CDH13: variants seen among roughly 807,000 people sequenced by gnomAD.
The protein encoded by CDH13 is cadherin 13.
CDH13 carries 24 observed loss-of-function variants against 63.8 expected under a neutral mutation model. That is an observed-to-expected ratio of 0.38 (90% confidence interval 0.27 to 0.53). The LOEUF (loss-of-function observed/expected upper bound fraction) is 0.53. CDH13 is among the 20% of genes least tolerant of loss of function. The pLI, the probability that CDH13 is intolerant of heterozygous loss-of-function variation, is 0.85. For synonymous variants in CDH13, 503 were observed against 355.3 expected, an observed-to-expected ratio of 1.42 and a Z score of -4.67; for missense variants, 1,049 against 903.1, an observed-to-expected ratio of 1.16 and a Z score of -2.07.
chr16:83,733,672 A>T (rs1911260541), intron 10 of CDH13, among the ~76,000 whole-genome samples: 1 of 152,196 alleles, frequency 6.6e-6, no homozygotes. Flanking sequence ...GCCAGAGCAA[A>T]GGCCATGGTG....
intron 5 of CDH13, among the ~76,000 whole-genome samples, chr16:83,249,768 C>T (rs1905308127): frequency 6.6e-6 from 1 of 152,128 alleles, no homozygotes; most frequent in Non-Finnish European, 1.5e-5. Flanking sequence ...AGACTTTGCA[C>T]GTTTTTCTTT....
At chr16:82,658,236 C>G (rs1911526873) in intron 1 of CDH13, among the ~76,000 whole-genome samples, 2 of 152,324 alleles carry the variant, frequency 1.3e-5, no homozygotes, top group East Asian at 3.9e-4. Context: ...AAGTTGTGAG[C>G]AGGGAGGCCA....
intron 3 of CDH13, among the ~76,000 whole-genome samples, chr16:83,123,160 A>G (rs1159796890): frequency 6.6e-6 from 1 of 151,658 alleles, no homozygotes; most frequent in Non-Finnish European, 1.5e-5. Flanking sequence ...GTGTATGAGT[A>G]TGTGTGTGTG....
chr16:82,876,549 C>T (rs1032164814), intron 2 of CDH13, among the ~76,000 whole-genome samples: 3 of 152,124 alleles, frequency 2.0e-5, no homozygotes, highest in African/African-American at 4.8e-5. Flanking sequence ...ACAGGTATAA[C>T]ATTACTATGT....
At chr16:83,488,027 G>C (rs935329300) in intron 7 of CDH13, among the ~76,000 whole-genome samples, 4 of 152,192 alleles carry the variant, frequency 2.6e-5, no homozygotes, top group Non-Finnish European at 5.9e-5. Context: ...CTCTGAAGAA[G>C]ATTCTCTTTC....
intron 9 of CDH13, among the ~76,000 whole-genome samples, chr16:83,673,732 G>T (rs1400031176): frequency 6.6e-6 from 1 of 152,204 alleles, no homozygotes; most frequent in African/African-American, 2.4e-5. Flanking sequence ...AGATTTCTGG[G>T]CTTGCCCCAG....
chr16:83,622,146 C>T (rs1321241561), intron 8 of CDH13, among the ~76,000 whole-genome samples: 3 of 152,206 alleles, frequency 2.0e-5, no homozygotes, highest in East Asian at 1.9e-4. Flanking sequence ...AACTGTAGCT[C>T]ATTTAATTCT....
chr16:82,958,718 G>A (rs1263400797), intron 2 of CDH13, among the ~76,000 whole-genome samples: 1 of 152,198 alleles, frequency 6.6e-6, no homozygotes, highest in Admixed American at 6.5e-5. Context: ...GGCACCAGCC[G>A]CAGGTCACAG....
chr16:82,690,189 T>C (rs1915507793), intron 1 of CDH13, among the ~76,000 whole-genome samples: 2 of 145,912 alleles, frequency 1.4e-5, no homozygotes, highest in South Asian at 4.4e-4. Flanking sequence ...AAAAAAAATC[T>C]TCTCATGACC....
At chr16:83,344,836 C>A (rs2151364102) in intron 5 of CDH13, 26 bp from the exon 6 acceptor site, 1 of 1,610,752 alleles carries the variant, frequency 6.2e-7, no homozygotes, top group East Asian at 2.2e-5. Context: ...TATCTTCTTT[C>A]TCCCCCAATC....
chr16:83,524,654 A>G (rs895183832), intron 7 of CDH13, among the ~76,000 whole-genome samples: 1 of 151,760 alleles, frequency 6.6e-6, no homozygotes, highest in Admixed American at 6.6e-5. Flanking sequence ...GGGTTTCACC[A>G]TGTTAGCCAG....
At chr16:83,508,079 G>A (rs868385738) in intron 7 of CDH13, among the ~76,000 whole-genome samples, 1 of 68,836 alleles carries the variant, frequency 1.5e-5, no homozygotes, top group Non-Finnish European at 3.1e-5. Context: ...AAGGAAGGAA[G>A]GAAGGAAGGA....
Position 83,646,712 on chromosome 16 carries a change from A to AAAAAACAC in CDH13, c.1102-24077_1102-24076insAAAACACA, listed in dbSNP as rs1168012793. ...CGTCTCAAAAAAAAAAAAAAAAAAA[A>AAAAAACAC]ACACACACACACACACACACACACA... On this transcript the variant is annotated intron_variant, in intron 8 of 13. Transcript: ENST00000567109. 6.2e-4 allele frequency among the ~76,000 whole-genome samples: 50 copies of AAAAAACAC among 80,520 alleles called. 1 individual carries two copies. The highest frequency in any genetic ancestry group is 8.6e-4 in the African/African-American group (19 of 22,164). 52.8% of individuals were successfully genotyped at this position (80,520 alleles called of 152,430 possible). A position where few individuals can be genotyped will look rare whatever the true frequency, so the allele number is the denominator to read the frequency against.
chr16:83,191,504 TACACAC>T lies in CDH13; in HGVS notation c.484-25819_484-25814del, dbSNP rs1214690644. ...ATATATATATGCACATATATATATATACACACACACACACACACACACACACATATA... is the reference window on the plus strand; with the variant it reads ...ATATATATATGCACATATATATATATACACACACACACACACACACATATA... On this transcript the variant is annotated intron_variant, in intron 4 of 13. Transcript: ENST00000567109. Among the ~76,000 whole-genome samples the T allele has an allele frequency of 5.9e-3, 557 of 93,766 alleles. 3 individuals are homozygous for T. The highest frequency in any genetic ancestry group is 0.013 in the Middle Eastern group (2 of 158). 61.5% of individuals were successfully genotyped at this position (93,766 alleles called of 152,430 possible).
chr16:82,969,266 C>T (rs553043848), intron 2 of CDH13, among the ~76,000 whole-genome samples: 92 of 152,264 alleles, frequency 6.0e-4, no homozygotes, highest in African/African-American at 2.1e-3. Flanking sequence ...AACTCTGCTA[C>T]TGTATATCTA....
rs542669617 is a variant in CDH13, at chr16:82,938,068, C to T, written c.157+79595C>T. 4.2e-4 allele frequency among the ~76,000 whole-genome samples: 64 copies of T among 152,242 alleles called. No individual in the cohort carries two copies. The South Asian group carries it at 0.013, about 30-fold the overall frequency. ...GAAAAAGAAAAAGCAGCTGCAACAGCGGTAGCAACAACACGCCAAAAAACG... is the reference window on the plus strand; with the variant it reads ...GAAAAAGAAAAAGCAGCTGCAACAGTGGTAGCAACAACACGCCAAAAAACG... On this transcript the variant is annotated intron_variant, in intron 2 of 13. Coordinates refer to ENST00000567109, the MANE Select transcript of CDH13 (RefSeq NM_001257.5).
intron 6 of CDH13, among the ~76,000 whole-genome samples, chr16:83,396,404 T>C (rs1020770888): frequency 2.0e-5 from 3 of 152,318 alleles, no homozygotes; most frequent in South Asian, 4.1e-4. Flanking sequence ...CCATGTGTCA[T>C]GTAATTCTAT....
At chr16:82,799,190 G>C (rs1177526641) in intron 1 of CDH13, among the ~76,000 whole-genome samples, 1 of 152,202 alleles carries the variant, frequency 6.6e-6, no homozygotes, top group Admixed American at 6.5e-5. Flanking sequence ...TTGTAAGGGG[G>C]TGACGTTAGA....
chr16:83,318,908 C>G (rs2090162935), intron 5 of CDH13, among the ~76,000 whole-genome samples: 1 of 151,924 alleles, frequency 6.6e-6, no homozygotes, highest in Non-Finnish European at 1.5e-5. Flanking sequence ...AAGACCTTGT[C>G]CCTACCTCTG....
Sources: gnomAD v4.1 joint callset for allele counts (sites outside exome capture counted in the v4.1 genomes callset) on GRCh38, gnomAD v4.1.1 for gene constraint, MANE v1.5 for transcripts, NCBI Gene and HGNC (gene_info 2026-07-23, HGNC 2026-07-21) for gene names.